Variants in ZSCAN4 observed in about 807,000 individuals in gnomAD.
The protein encoded by ZSCAN4 is zinc finger and SCAN domain-containing protein 4.
A neutral mutation model predicts 18.3 loss-of-function variants in ZSCAN4; 18 were observed. That is an observed-to-expected ratio of 0.98 (90% CI 0.68 to 1.46). The LOEUF (loss-of-function observed/expected upper bound fraction) is 1.46. ZSCAN4 is among the 40% of genes most tolerant of loss of function. The probability of loss-of-function intolerance (pLI) is 0.00; values close to 1 mark genes in which losing one functional copy is unlikely to be tolerated. For synonymous variants in ZSCAN4, 193 were observed against 180.3 expected (o/e 1.07, Z -0.57); for missense variants, 498 against 511.4 (o/e 0.97, Z 0.25).
the ZSCAN4 span, among the ~76,000 whole-genome samples, chr19:57,659,874 A>G: frequency 6.6e-6 from 1 of 152,174 alleles, no homozygotes; most frequent in Non-Finnish European, 1.5e-5. Flanking sequence ...GGTGCTCCTC[A>G]GCTACTTCTG....
the ZSCAN4 span, among the ~76,000 whole-genome samples, chr19:57,652,362 A>G: frequency 6.6e-6 from 1 of 152,318 alleles, no homozygotes; most frequent in East Asian, 1.9e-4. Flanking sequence ...CTCCAATGCA[A>G]TGGTAAATCG....
intron 2 of ZSCAN4, among the ~76,000 whole-genome samples, 180 bp from the exon 3 acceptor site, chr19:57,675,861 G>A (rs1984164002): frequency 6.6e-6 from 1 of 152,162 alleles, no homozygotes; most frequent in Non-Finnish European, 1.5e-5. Context: ...ATCAGGAAGT[G>A]CTGACCTCAG....
chr19:57,654,693 A>T, the ZSCAN4 span, among the ~76,000 whole-genome samples: 1 of 151,918 alleles, frequency 6.6e-6, no homozygotes, highest in Non-Finnish European at 1.5e-5. Flanking sequence ...TTACTTTCCC[A>T]TATCCCCCCA....
the ZSCAN4 span, among the ~76,000 whole-genome samples, chr19:57,652,203 A>G: frequency 6.6e-6 from 1 of 152,138 alleles, no homozygotes; most frequent in African/African-American, 2.4e-5. Flanking sequence ...CAGAACCTCA[A>G]AACCCTGGGC....
At chr19:57,674,919 T>A (rs1467900801) in intron 2 of ZSCAN4, among the ~76,000 whole-genome samples, 1 of 151,960 alleles carries the variant, frequency 6.6e-6, no homozygotes, top group Non-Finnish European at 1.5e-5. Context: ...ACAATAAATT[T>A]TGTTGTAACT....
the ZSCAN4 span, among the ~76,000 whole-genome samples, chr19:57,658,409 G>A: frequency 6.6e-6 from 1 of 152,188 alleles, no homozygotes; most frequent in Admixed American, 6.6e-5. Flanking sequence ...GTGGTTACAT[G>A]CTGTTTATAT....
At chr19:57,667,895 T>C (rs76347978), upstream of ZSCAN4, among the ~76,000 whole-genome samples, 107 of 36,816 alleles carry the variant, frequency 2.9e-3, no homozygotes, top group African/African-American at 8.5e-3. Flanking sequence ...TTGTTTGTTT[T>C]TTGTTTGTTT....
upstream of ZSCAN4, among the ~76,000 whole-genome samples, chr19:57,666,897 T>TTATTA (rs1555807257): frequency 6.0e-5 from 9 of 151,194 alleles, no homozygotes; most frequent in East Asian, 5.9e-4. Flanking sequence ...CTACCAGGTT[T>TTATTA]TTATTATTAT....
At chr19:57,660,196 G>A in the ZSCAN4 span, among the ~76,000 whole-genome samples, 48 of 152,298 alleles carry the variant, frequency 3.2e-4, no homozygotes, top group African/African-American at 1.1e-3. Context: ...AGAAAATTCA[G>A]TATTAATTGT....
chr19:57,668,617 GC>G (rs764295607), upstream of ZSCAN4, among the ~76,000 whole-genome samples: 8 of 152,130 alleles, frequency 5.3e-5, no homozygotes, highest in Non-Finnish European at 1.2e-4. Context: ...CAAAGCCTCA[GC>G]CTGTATGAGG....
chr19:57,672,004 GAA>G (rs200379299), intron 2 of ZSCAN4, among the ~76,000 whole-genome samples: 4 of 152,104 alleles, frequency 2.6e-5, no homozygotes, highest in African/African-American at 9.6e-5. Flanking sequence ...TAAAATTGGA[GAA>G]AAAACACAAA....
At chr19:57,678,299 G>C (rs1235782571) in exon 5 of ZSCAN4, 11 of 1,614,164 alleles carry the variant, frequency 6.8e-6, no homozygotes, top group Middle Eastern at 1.6e-4. Context: ...GGCCTGAAGA[G>C]GGAGGTGTTT....
exon 5 of ZSCAN4, chr19:57,678,216 G>A: frequency 6.2e-7 from 1 of 1,614,166 alleles, no homozygotes; most frequent in Non-Finnish European, 8.5e-7. Context: ...AACTACTCGA[G>A]TAAATGAAAA....
In ZSCAN4 at chr19:57,676,158, C is replaced by A. The variant is rs981169320; in HGVS notation, c.13C>A (p.Leu5Ile). ...ATTATTGCTAAGAATGGCTTTAGAT[C>A]TAAGAACCATATTTCAGTGTGAACC... Residue 5 changes from leucine (L) to isoleucine (I), a missense_variant, in exon 3 of 5, where the codon CTA becomes ATA. Leu to Ile is a conservative substitution (Grantham distance 5). Coordinates refer to ENST00000318203, the Ensembl canonical transcript of ZSCAN4. 111 of 1,609,730 alleles carry A rather than the reference C, an allele frequency of 6.9e-5. No homozygotes were observed. The highest frequency in any genetic ancestry group is 9.3e-5 in the Non-Finnish European group (109 of 1,178,064).
At chr19:57,669,631 T>C (rs775182094) in intron 1 of ZSCAN4, among the ~76,000 whole-genome samples, 5 of 152,028 alleles carry the variant, frequency 3.3e-5, no homozygotes, top group African/African-American at 1.2e-4. Context: ...TTCACCATAT[T>C]GGCCAGGCTG....
At chr19:57,674,332 C>A (rs1984114740) in intron 2 of ZSCAN4, among the ~76,000 whole-genome samples, 1 of 152,148 alleles carries the variant, frequency 6.6e-6, no homozygotes, top group South Asian at 2.1e-4. Context: ...CTCCCAACTC[C>A]CCCGCTGGAG....
chr19:57,652,854 G>C, the ZSCAN4 span, among the ~76,000 whole-genome samples: 2 of 152,098 alleles, frequency 1.3e-5, no homozygotes, highest in African/African-American at 4.8e-5. Context: ...TTCTGTAAGA[G>C]ATTTTTGTAC....
the ZSCAN4 span, among the ~76,000 whole-genome samples, chr19:57,660,070 A>G: frequency 6.6e-6 from 1 of 152,206 alleles, no homozygotes; most frequent in African/African-American, 2.4e-5. Flanking sequence ...TCTCAGGTTC[A>G]GATGTCCTTT....
exon 5 of ZSCAN4, chr19:57,678,565 TTAAGTA>T (rs1568452947): frequency 6.2e-7 from 1 of 1,614,058 alleles, no homozygotes; most frequent in East Asian, 2.2e-5. Context: ...CCCAAGGTCT[TTAAGTA>T]TCTCTGTCAC....
Sources: gnomAD v4.1 joint callset for allele counts (sites outside exome capture counted in the v4.1 genomes callset) on GRCh38, gnomAD v4.1.1 for gene constraint, MANE v1.5 for transcripts, NCBI Gene and HGNC (gene_info 2026-07-23, HGNC 2026-07-21) for gene names.